SIPA1L3: variants seen among roughly 807,000 people sequenced by gnomAD.
SIPA1L3 encodes signal-induced proliferation-associated 1-like protein 3.
In SIPA1L3, 59 loss-of-function variants were observed where a neutral mutation model predicts 150.1. That is an observed-to-expected ratio of 0.39 (90% CI 0.32 to 0.49). The LOEUF is 0.49. SIPA1L3 is among the 20% of genes least tolerant of loss of function. The pLI is 0.86. For missense variants in SIPA1L3, 2,211 were observed against 2,489.5 expected (o/e 0.89, Z 2.38); for synonymous variants, 1,070 against 1,077.6 (o/e 0.99, Z 0.14).
intron 1 of SIPA1L3, among the ~76,000 whole-genome samples, chr19:37,911,357 T>C (rs2046375939): frequency 6.6e-6 from 1 of 152,116 alleles, no homozygotes; most frequent in Non-Finnish European, 1.5e-5. Flanking sequence ...ACCCAGTTTT[T>C]TCAATTAATG....
intron 9 of SIPA1L3, among the ~76,000 whole-genome samples, chr19:38,125,056 G>A (rs1971142272): frequency 6.6e-6 from 1 of 151,692 alleles, no homozygotes; most frequent in Non-Finnish European, 1.5e-5. Flanking sequence ...TGTTTTTTGA[G>A]ATGGAGTCTT....
intron 1 of SIPA1L3, among the ~76,000 whole-genome samples, chr19:38,001,946 A>G (rs1436988630): frequency 1.3e-5 from 2 of 152,218 alleles, no homozygotes; most frequent in Non-Finnish European, 2.9e-5. Flanking sequence ...TGTCAGTTAT[A>G]CCTTTAAGGA....
intron 3 of SIPA1L3, among the ~76,000 whole-genome samples, chr19:38,085,072 C>A (rs1466993857): frequency 2.0e-5 from 3 of 152,174 alleles, no homozygotes; most frequent in Non-Finnish European, 4.4e-5. Context: ...GTATCTGTTC[C>A]ATAGCTGATC....
At chr19:38,143,307 A>G (rs1211957608) in intron 12 of SIPA1L3, among the ~76,000 whole-genome samples, 4 of 152,022 alleles carry the variant, frequency 2.6e-5, no homozygotes, top group African/African-American at 9.7e-5. Flanking sequence ...TCCCTGTCTC[A>G]GGGGCAGCCA....
intron 1 of SIPA1L3, among the ~76,000 whole-genome samples, chr19:38,009,653 G>C (rs1212056406): frequency 2.6e-5 from 4 of 152,074 alleles, no homozygotes; most frequent in Admixed American, 2.6e-4. Flanking sequence ...CTGATGAGGA[G>C]GCTTGGGATT....
At chr19:38,146,892 C>T (rs533038233) in intron 12 of SIPA1L3, among the ~76,000 whole-genome samples, 1 of 152,104 alleles carries the variant, frequency 6.6e-6, no homozygotes, top group South Asian at 2.1e-4. Flanking sequence ...GTCTTTTGTG[C>T]GTCTTCTAAT....
chr19:38,167,548 C>A (rs953031871), intron 15 of SIPA1L3, among the ~76,000 whole-genome samples: 1 of 152,112 alleles, frequency 6.6e-6, no homozygotes, highest in Non-Finnish European at 1.5e-5. Context: ...CCTCTCAGTT[C>A]ATCTCCCTAG....
intron 1 of SIPA1L3, among the ~76,000 whole-genome samples, chr19:37,974,028 G>A (rs1447492213): frequency 6.6e-6 from 1 of 152,174 alleles, no homozygotes. Context: ...CAGCCCAGAG[G>A]CAAAGTGACT....
chr19:37,916,373 A>T (rs1269753296), intron 1 of SIPA1L3, among the ~76,000 whole-genome samples: 1 of 151,566 alleles, frequency 6.6e-6, no homozygotes, highest in African/African-American at 2.4e-5. Context: ...GGTGATGTGC[A>T]CCTATAATCC....
intron 6 of SIPA1L3, among the ~76,000 whole-genome samples, chr19:38,103,594 C>T (rs1479438466): frequency 1.3e-5 from 2 of 150,530 alleles, no homozygotes; most frequent in Admixed American, 6.7e-5. Context: ...CACCACTGTA[C>T]TCGAGCCTGG....
At chr19:37,912,237 CAAAA>C (rs34652077) in intron 1 of SIPA1L3, among the ~76,000 whole-genome samples, 2 of 144,996 alleles carry the variant, frequency 1.4e-5, no homozygotes, top group Non-Finnish European at 3.1e-5. Context: ...CACTCTGTCT[CAAAA>C]AAAAAAAAGT....
At chr19:37,954,724 G>C (rs1483722104) in intron 1 of SIPA1L3, among the ~76,000 whole-genome samples, 2 of 152,110 alleles carry the variant, frequency 1.3e-5, no homozygotes, top group African/African-American at 4.8e-5. Flanking sequence ...TTAGGTTACA[G>C]AAGTTGTCAC....
At chr19:37,916,141 C>T (rs1454061935) in intron 1 of SIPA1L3, among the ~76,000 whole-genome samples, 2 of 152,016 alleles carry the variant, frequency 1.3e-5, no homozygotes, top group African/African-American at 2.4e-5. Flanking sequence ...ACTGTCCTGC[C>T]TTAGCCTCCA....
chr19:38,125,806 A>G (rs1021942896), intron 9 of SIPA1L3, among the ~76,000 whole-genome samples: 1 of 152,226 alleles, frequency 6.6e-6, no homozygotes, highest in Non-Finnish European at 1.5e-5. Context: ...TGGCCTGGCC[A>G]GTGCTGGGAC....
rs560491831 is a variant in SIPA1L3, at chr19:38,008,733, A to T, written c.-378-20356A>T. ...CACCAGGCCTAGCTAATTTTTAAAA[A>T]TTTTTTGGTAGAGACAGGGTCTCCC... is the stretch of plus-strand genomic sequence containing the variant. On this transcript the variant is annotated intron_variant, in intron 1 of 21. Coordinates refer to ENST00000222345, the MANE Select transcript of SIPA1L3 (RefSeq NM_015073.3). Among the ~76,000 whole-genome samples the T allele has an allele frequency of 9.8e-4, 148 of 151,158 alleles. 2 individuals are homozygous for T. In the East Asian group the frequency reaches 0.02, roughly 20 times the overall value.
chr19:38,206,818 C>T lies in SIPA1L3; in HGVS notation c.*578C>T, dbSNP rs891926632. 2.6e-5 allele frequency: 4 copies of T among 152,992 alleles called. No individual in the cohort carries two copies. Among genetic ancestry groups the T allele is most frequent in the African/African-American group, 9.7e-5 (4 of 41,450 alleles). 9.5% of individuals were successfully genotyped at this position (152,992 alleles called of 1,614,324 possible). On this transcript the variant is annotated 3_prime_UTR_variant, in exon 22 of 22. Transcript: ENST00000222345. ...CGAACATGATCCCCTCCCTAACCCC[C>T]TCCTCCCAAAAAGCAGCCAGGAGCA...
At chr19:38,013,726 G>A (rs1313224180) in intron 1 of SIPA1L3, among the ~76,000 whole-genome samples, 1 of 152,180 alleles carries the variant, frequency 6.6e-6, no homozygotes, top group African/African-American at 2.4e-5. Context: ...GAGTAGAAAA[G>A]GATATTTATT....
chr19:38,001,222 A>G (rs889191696), intron 1 of SIPA1L3, among the ~76,000 whole-genome samples: 1 of 151,640 alleles, frequency 6.6e-6, no homozygotes, highest in Admixed American at 6.6e-5. Flanking sequence ...TTTGCACCCC[A>G]CCCTTCCTTA....
chr19:38,079,559 ATTT>A (rs35759392), intron 2 of SIPA1L3, among the ~76,000 whole-genome samples: 1 of 141,454 alleles, frequency 7.1e-6, no homozygotes. Context: ...GTTTTTGGGG[ATTT>A]TTTTTTTTTT....
Sources: gnomAD v4.1 joint callset for allele counts (sites outside exome capture counted in the v4.1 genomes callset) on GRCh38, gnomAD v4.1.1 for gene constraint, MANE v1.5 for transcripts, NCBI Gene and HGNC (gene_info 2026-07-23, HGNC 2026-07-21) for gene names.